SON: variants seen among roughly 807,000 people sequenced by gnomAD.
The protein encoded by SON is protein SON.
SON carries 4 observed loss-of-function variants against 173.3 expected under a neutral mutation model. That is an observed-to-expected ratio of 0.02 (90% confidence interval 0.01 to 0.05). The LOEUF (loss-of-function observed/expected upper bound fraction) is 0.05, where lower values mean the gene tolerates loss of function less well. Ranked by LOEUF, SON falls within the 10% of genes least tolerant of loss-of-function variation. SON has a pLI of 1.00. For missense variants in SON, 2,626 were observed against 3,055.3 expected (o/e 0.86, Z 3.31); for synonymous variants, 1,190 against 1,105.9 (o/e 1.08, Z -1.51).
intron 3 of SON, 123 bp downstream of exon 3, chr21:33,555,514 G>A: frequency 1.1e-6 from 1 of 912,698 alleles, no homozygotes; most frequent in Non-Finnish European, 1.5e-6. Flanking sequence ...CTGTCTTTAA[G>A]TTTTTATTAT....
Position 33,551,129 on chromosome 21 carries a change from C to T in SON, c.1898C>T (p.Pro633Leu). 2 of 1,613,378 alleles carry T rather than the reference C, an allele frequency of 1.2e-6. No individual in the cohort carries two copies. The highest frequency in any genetic ancestry group is 1.7e-6 in the Non-Finnish European group (2 of 1,179,492). The change falls in exon 3 of 12, where the codon CCA (proline) becomes CTA (leucine). Residue 633 changes from proline (P) to leucine (L), a missense_variant. Pro to Leu is a moderately conservative substitution (Grantham distance 98). Around this residue, in one of 13 missense-constraint regions of SON, gnomAD observed 182 missense variants for 193.6 expected, o/e 0.94. Transcript: ENST00000356577. The stretch of plus-strand genomic sequence containing the variant: ...CTGGCAACAGGGGTGCTGGAGTTGC[C>T]AGGGCAGCCTGGGGCGCCAGAGTTG... ...QPLATGVLEL[P>L]GQPGAPELPG...
chr21:33,570,877 A>G (rs1201598536), intron 8 of SON, among the ~76,000 whole-genome samples: 1 of 152,194 alleles, frequency 6.6e-6, no homozygotes, highest in East Asian at 1.9e-4. Context: ...GTGCTGATCC[A>G]TAATGTTTGT....
chr21:33,574,058 G>A (rs77608953), intron 9 of SON, among the ~76,000 whole-genome samples: 1 of 152,286 alleles, frequency 6.6e-6, no homozygotes, highest in African/African-American at 2.4e-5. Flanking sequence ...CCTGGGCAGG[G>A]CAGCACTGTG....
chr21:33,574,860 C>G (rs937866751), intron 9 of SON, among the ~76,000 whole-genome samples: 3 of 152,128 alleles, frequency 2.0e-5, no homozygotes, highest in African/African-American at 7.2e-5. Flanking sequence ...ATTTTGAGAA[C>G]ATCTCCCATT....
chr21:33,553,603 A>G lies in SON; in HGVS notation c.4372A>G (p.Thr1458Ala). 6.2e-7 allele frequency: 1 copy of G among 1,613,828 alleles called. No individual in the cohort carries two copies. Among genetic ancestry groups the G allele is most frequent in the Non-Finnish European group, 8.5e-7 (1 of 1,179,910 alleles). Residue 1458 changes from threonine (T) to alanine (A), a missense_variant, in exon 3 of 12, where the codon ACT becomes GCT. Thr to Ala is a moderately conservative substitution (Grantham distance 58). This residue lies in a region of SON where 1,006 missense variants were observed against 895.6 expected (regional missense o/e 1.12). Transcript: ENST00000356577. ...SEPAVTVSEQ[T>A]QVIPTEVAIE... is the part of the protein sequence containing the mutation. ...GCCTGCTGTCACAGTCTCAGAGCAG[A>G]CTCAAGTAATACCAACTGAGGTGGC...
intron 7 of SON, among the ~76,000 whole-genome samples, 167 bp from the exon 8 acceptor site, chr21:33,568,802 ATG>A (rs771367201): frequency 2.6e-5 from 4 of 152,260 alleles, no homozygotes; most frequent in Non-Finnish European, 5.9e-5. Context: ...GATTCACTAA[ATG>A]TTGTCAAACT....
chr21:33,553,528 G>A lies in SON; in HGVS notation c.4297G>A (p.Val1433Ile). 6.2e-7 allele frequency: 1 copy of A among 1,614,146 alleles called. No homozygotes were observed. Among genetic ancestry groups the A allele is most frequent in the African/African-American group, 1.3e-5 (1 of 75,020 alleles). The change falls in exon 3 of 12, where the codon GTT (valine) becomes ATT (isoleucine). Residue 1433 changes from valine to isoleucine, a missense_variant. Physicochemically the swap from Val to Ile is conservative, Grantham distance 29. Around this residue, in one of 13 missense-constraint regions of SON, gnomAD observed 1,006 missense variants for 895.6 expected, o/e 1.12. Coordinates refer to ENST00000356577, the MANE Select transcript of SON (RefSeq NM_138927.4). ...AVSVLQPSMI[V>I]SEPSVSVQES... ...GTCAGTCCTTCAACCTTCTATGATT[G>A]TTTCAGAACCATCTGTTTCTGTCCA...
intron 7 of SON, among the ~76,000 whole-genome samples, chr21:33,567,926 T>G (rs1425230102): frequency 2.6e-5 from 4 of 151,024 alleles, no homozygotes; most frequent in African/African-American, 9.7e-5. Flanking sequence ...AACAAAAGAG[T>G]GATTAAGTGA....
In SON at chr21:33,549,650, C is replaced by T. The variant is rs200397930; in HGVS notation, c.419C>T (p.Thr140Met). The change falls in exon 3 of 12, where the codon ACG becomes ATG. Residue 140 changes from threonine (T) to methionine (M), a missense_variant. This residue lies in a region of SON where 757 missense variants were observed against 730.1 expected (regional missense o/e 1.04). Transcript: ENST00000356577. ...CAGCCAGAAGAATCTGAGTCAAAGA[C>T]GAAATCTCATGATGATGGGAACATA... is the stretch of plus-strand genomic sequence containing the variant. ...KRQPEESESK[T>M]KSHDDGNIDL... The T allele has an allele frequency of 3.6e-5, 58 of 1,610,104 alleles. 1 individual carries two copies. The highest frequency in any genetic ancestry group is 4.2e-5 in the Non-Finnish European group (50 of 1,179,028).
intron 8 of SON, among the ~76,000 whole-genome samples, chr21:33,572,783 T>TC (rs1055176237): frequency 2.0e-5 from 3 of 150,176 alleles, no homozygotes; most frequent in Non-Finnish European, 4.4e-5. Context: ...TTTTTTTTTT[T>TC]CTGCTTTAGG....
At chr21:33,544,179 CA>C (rs1489618483) in intron 1 of SON, among the ~76,000 whole-genome samples, 4 of 152,106 alleles carry the variant, frequency 2.6e-5, no homozygotes, top group Non-Finnish European at 5.9e-5. Context: ...GGCCGAAAAC[CA>C]GTTGTAAGTG....
intron 6 of SON, among the ~76,000 whole-genome samples, chr21:33,564,634 G>T (rs1162668400): frequency 2.0e-5 from 3 of 152,162 alleles, no homozygotes. Flanking sequence ...GCCAAGGCGG[G>T]CGGATCACCT....
intron 3 of SON, 136 bp downstream of exon 3, chr21:33,555,527 C>A: frequency 1.3e-6 from 1 of 794,116 alleles, no homozygotes; most frequent in Non-Finnish European, 1.8e-6. Flanking sequence ...TTTATTATTA[C>A]ATGGTACTGT....
At chr21:33,557,042 C>G (rs556625966) in intron 3 of SON, 114 bp from the exon 4 acceptor site, 8 of 811,088 alleles carry the variant, frequency 9.9e-6, no homozygotes, top group Middle Eastern at 4.1e-4. Flanking sequence ...GTTAGATACC[C>G]AAGTTCTTCG....
chr21:33,552,634 T>A lies in SON; in HGVS notation c.3403T>A (p.Ser1135Thr). 1 of 1,614,060 alleles carries A rather than the reference T, an allele frequency of 6.2e-7. No individual in the cohort carries two copies. The highest frequency in any genetic ancestry group is 8.5e-7 in the Non-Finnish European group (1 of 1,179,980). The change falls in exon 3 of 12, where the codon TCT becomes ACT. Residue 1135 changes from serine (S) to threonine (T), a missense_variant. Physicochemically the swap from Ser to Thr is moderately conservative, Grantham distance 58 (BLOSUM62 1). This residue lies in a region of SON where 366 missense variants were observed against 448.6 expected (regional missense o/e 0.82). Coordinates refer to ENST00000356577, the MANE Select transcript of SON (RefSeq NM_138927.4). This position sits in a 1 kb window ranked among gnomAD's most constrained non-coding sequence, Gnocchi z 5.6. The stretch of plus-strand genomic sequence containing the variant: ...TATGGCTGCTGATTCTTACACCGAT[T>A]CTTACACTGACACATATACAGAGGC... ...MSMAADSYTD[S>T]YTDTYTEAYM...
At position 33,552,126 on chromosome 21, in the gene SON, G is replaced by A; in HGVS notation, c.2895G>A (p.Met965Ile). ...GACTAACTCCTGATCCCTATAGGAT[G>A]TCACCTAGACCCTACAGGATAGCAC... is the stretch of plus-strand genomic sequence containing the variant. Reference protein sequence around the residue: ...PYRLTPDPYRMSPRPYRIAPR... With the variant: ...PYRLTPDPYRISPRPYRIAPR... Residue 965 changes from methionine to isoleucine, a missense_variant, in exon 3 of 12, where the codon ATG becomes ATA. Transcript: ENST00000356577. This position sits in a 1 kb window ranked among gnomAD's most constrained non-coding sequence, Gnocchi z 5.6. 6.2e-7 allele frequency: 1 copy of A among 1,614,092 alleles called. No homozygotes were observed. The highest frequency in any genetic ancestry group is 8.5e-7 in the Non-Finnish European group (1 of 1,180,020).
At chr21:33,562,208 T>C (rs2086082574) in intron 6 of SON, among the ~76,000 whole-genome samples, 1 of 152,196 alleles carries the variant, frequency 6.6e-6, no homozygotes, top group African/African-American at 2.4e-5. Flanking sequence ...AATGAATTTA[T>C]TATTTATACA....
chr21:33,575,538 G>A, intron 9 of SON, 58 bp from the exon 10 acceptor site: 1 of 1,298,700 alleles, frequency 7.7e-7, no homozygotes, highest in Non-Finnish European at 1.1e-6. Flanking sequence ...CCTACAGAGG[G>A]ATCTTTGTTT....
chr21:33,574,365 A>T (rs957069823), intron 9 of SON, among the ~76,000 whole-genome samples: 1 of 152,208 alleles, frequency 6.6e-6, no homozygotes, highest in Non-Finnish European at 1.5e-5. Context: ...AAATACTTTG[A>T]TGTTAAGTAT....
Sources: allele counts gnomAD v4.1 joint callset (sites outside exome capture counted in the v4.1 genomes callset), GRCh38; gene constraint gnomAD v4.1.1; regional missense constraint gnomAD v4.1.1; non-coding constraint Gnocchi (gnomAD v3.1); transcripts MANE v1.5; gene names NCBI Gene and HGNC (gene_info 2026-07-23, HGNC 2026-07-21).